MTF1: variants seen among roughly 807,000 people sequenced by gnomAD.
The protein encoded by MTF1 is MRE-binding transcription factor.
Under a neutral mutation model 70.4 loss-of-function variants are expected in MTF1, and 22 were observed. The observed-to-expected ratio is 0.31, with a 90% CI of 0.22 to 0.45. The LOEUF is 0.45. MTF1 is among the 20% of genes least tolerant of loss of function. The probability of loss-of-function intolerance (pLI) is 1.00; values close to 1 mark genes in which losing one functional copy is unlikely to be tolerated. For synonymous variants in MTF1, 333 were observed against 352.8 expected, an observed-to-expected ratio of 0.94 and a Z score of 0.63; for missense variants, 649 against 922.0, an observed-to-expected ratio of 0.70 and a Z score of 3.83.
chr1:37,816,520 C>T (rs955725220), intron 10 of MTF1, among the ~76,000 whole-genome samples: 6 of 151,900 alleles, frequency 3.9e-5, no homozygotes, highest in Admixed American at 1.3e-4. Context: ...ACTAAAAATA[C>T]AAAAATTAGC....
At chr1:37,855,743 G>C (rs1224714827) in intron 2 of MTF1, among the ~76,000 whole-genome samples, 1 of 152,090 alleles carries the variant, frequency 6.6e-6, no homozygotes, top group Non-Finnish European at 1.5e-5. Flanking sequence ...GATCACCTGA[G>C]GTCAAGAGTT....
At chr1:37,827,214 T>A (rs535523650) in intron 7 of MTF1, among the ~76,000 whole-genome samples, 1 of 152,228 alleles carries the variant, frequency 6.6e-6, no homozygotes, top group South Asian at 2.1e-4. Flanking sequence ...ATTCTATTGA[T>A]GTCTTTGAAA....
chr1:37,834,355 G>T (rs923316912), intron 6 of MTF1, among the ~76,000 whole-genome samples: 1 of 150,606 alleles, frequency 6.6e-6, no homozygotes, highest in Non-Finnish European at 1.5e-5. Flanking sequence ...GAGGCCAGGT[G>T]GGGTGGCTCA....
chr1:37,828,466 G>A lies in MTF1; in HGVS notation c.1068+3779C>T, dbSNP rs568420192. On this transcript the variant is annotated intron_variant, in intron 7 of 10. Coordinates refer to ENST00000373036, the MANE Select transcript of MTF1 (RefSeq NM_005955.3). ...ATTACAGGCGCCCGCCACCACACCCGGCTAATTTTTGTATTTTTAGTAGAG... is the reference window on the plus strand; with the variant it reads ...ATTACAGGCGCCCGCCACCACACCCAGCTAATTTTTGTATTTTTAGTAGAG... Among the ~76,000 whole-genome samples the A allele has an allele frequency of 6.0e-3, 910 of 152,200 alleles. 7 individuals are homozygous for A. Among genetic ancestry groups the A allele is most frequent in the African/African-American group, 0.02 (834 of 41,510 alleles).
chr1:37,853,697 T>C (rs1007463774), intron 2 of MTF1, among the ~76,000 whole-genome samples: 10 of 152,208 alleles, frequency 6.6e-5, no homozygotes, highest in African/African-American at 2.4e-4. Flanking sequence ...ATGTATTCTT[T>C]AAGACCAGCT....
At chr1:37,828,230 G>A (rs1171373886) in intron 7 of MTF1, 2 of 397,232 alleles carry the variant, frequency 5.0e-6, no homozygotes, top group East Asian at 9.7e-5. Context: ...AATAGTGGTT[G>A]TCTGCAGGGA....
At chr1:37,823,427 A>G (rs1640949261) in intron 8 of MTF1, among the ~76,000 whole-genome samples, 1 of 135,638 alleles carries the variant, frequency 7.4e-6, no homozygotes, top group African/African-American at 2.7e-5. Context: ...GGGTGACAAA[A>G]TGAGACGCTG....
intron 7 of MTF1, among the ~76,000 whole-genome samples, chr1:37,828,728 T>C (rs892953550): frequency 1.3e-5 from 2 of 152,188 alleles, no homozygotes; most frequent in African/African-American, 4.8e-5. Context: ...ATAAAAAGCT[T>C]GTTAAAATTT....
intron 1 of MTF1, chr1:37,858,405 A>C (rs1442620906): frequency 6.6e-6 from 1 of 152,214 alleles, no homozygotes; most frequent in African/African-American, 2.4e-5. Flanking sequence ...CAAAGTTTTT[A>C]TAAGAAATAA....
At chr1:37,855,254 G>C (rs1641473389) in intron 2 of MTF1, among the ~76,000 whole-genome samples, 1 of 152,126 alleles carries the variant, frequency 6.6e-6, no homozygotes, top group Non-Finnish European at 1.5e-5. Context: ...GTTTACTCAG[G>C]AAGGCAGATC....
chr1:37,858,426 A>G (rs570163080), intron 1 of MTF1: 14 of 152,376 alleles, frequency 9.2e-5, no homozygotes, highest in African/African-American at 3.4e-4. Flanking sequence ...AAGAGGCAAC[A>G]TATGTAAAGC....
At chr1:37,851,720 T>C (rs1443926874) in intron 2 of MTF1, among the ~76,000 whole-genome samples, 1 of 152,220 alleles carries the variant, frequency 6.6e-6, no homozygotes, top group African/African-American at 2.4e-5. Flanking sequence ...TTTCACACAG[T>C]AATCACTGAT....
chr1:37,853,831 T>C (rs909069724), intron 2 of MTF1, among the ~76,000 whole-genome samples: 5 of 152,230 alleles, frequency 3.3e-5, no homozygotes. Flanking sequence ...CTGCTATGAT[T>C]ATTGGTGTAA....
intron 2 of MTF1, among the ~76,000 whole-genome samples, chr1:37,851,499 C>A (rs1360300956): frequency 6.6e-6 from 1 of 152,222 alleles, no homozygotes; most frequent in East Asian, 1.9e-4. Context: ...CCTCTTCTGC[C>A]TAGATCAGCA....
At position 37,811,511 on chromosome 1, in the gene MTF1, A is replaced by C. The variant is rs1640736666; in HGVS notation, c.*3625T>G. 1 of 152,602 alleles carries C rather than the reference A, an allele frequency of 6.6e-6. No homozygotes were observed. Among genetic ancestry groups the C allele is most frequent in the African/African-American group, 2.4e-5 (1 of 41,470 alleles). 9.5% of individuals were successfully genotyped at this position (152,602 alleles called of 1,614,324 possible). A position where few individuals can be genotyped will look rare whatever the true frequency, so the allele number is the denominator to read the frequency against. On this transcript the variant is annotated 3_prime_UTR_variant, in exon 11 of 11. Coordinates refer to ENST00000373036, the MANE Select transcript of MTF1 (RefSeq NM_005955.3). The stretch of plus-strand genomic sequence containing the variant: ...GTATATATATGTATATATACACACA[A>C]AAGAAATTGCAGCAATCGGGTTAAA...
chr1:37,824,004 A>G (rs1001750329), intron 7 of MTF1, among the ~76,000 whole-genome samples, 192 bp from the exon 8 acceptor site: 1 of 152,108 alleles, frequency 6.6e-6, no homozygotes, highest in Admixed American at 6.6e-5. Context: ...CAAATACTTT[A>G]TTTTTATTTA....
At position 37,823,756 on chromosome 1, in the gene MTF1, G is replaced by A; in HGVS notation, c.1125C>T (p.Phe375=). 6.2e-7 allele frequency: 1 copy of A among 1,614,034 alleles called. No homozygotes were observed. The highest frequency in any genetic ancestry group is 8.5e-7 in the Non-Finnish European group (1 of 1,179,980). Residue 375 remains phenylalanine, a synonymous_variant, in exon 8 of 11, where the codon TTC becomes TTT. Coordinates refer to ENST00000373036, the MANE Select transcript of MTF1 (RefSeq NM_005955.3). ...ISPAIIFESM[F]QNSDDTAIQE... Reference sequence around the variant, plus strand: ...GAATTGCCGTATCATCTGAATTCTGGAACATTGATTCAAAGATGATTGCTG... The same window carrying A: ...GAATTGCCGTATCATCTGAATTCTGAAACATTGATTCAAAGATGATTGCTG...
At chr1:37,850,580 G>A (rs2148421266) in intron 2 of MTF1, among the ~76,000 whole-genome samples, 1 of 152,084 alleles carries the variant, frequency 6.6e-6, no homozygotes, top group East Asian at 1.9e-4. Context: ...GAGAGAGAGA[G>A]AGAGAGAGAT....
Position 37,838,642 on chromosome 1 carries a change from T to C in MTF1, c.762A>G (p.Thr254=). 6.2e-7 allele frequency: 1 copy of C among 1,612,444 alleles called. No homozygotes were observed. The highest frequency in any genetic ancestry group is 8.5e-7 in the Non-Finnish European group (1 of 1,178,824). Residue 254 remains threonine, a synonymous_variant, in exon 4 of 11, where the codon ACA becomes ACG. Transcript: ENST00000373036. ...SDLRKHIRTH[T]GEKPFRCDHD... is the part of the protein sequence containing the mutation. Reference sequence around the variant, plus strand: ...AGACCTACCGAAATGGCTTTTCCCCTGTATGAGTTCGAATGTGCTTCCTCA... The same window carrying C: ...AGACCTACCGAAATGGCTTTTCCCCCGTATGAGTTCGAATGTGCTTCCTCA...
Sources: gnomAD v4.1 joint callset for allele counts (sites outside exome capture counted in the v4.1 genomes callset) on GRCh38, gnomAD v4.1.1 for gene constraint, MANE v1.5 for transcripts, NCBI Gene and HGNC (gene_info 2026-07-23, HGNC 2026-07-21) for gene names.